Variants in ZNF462 observed in about 807,000 individuals in gnomAD.
ZNF462 encodes zinc finger protein 462.
In ZNF462, 10 loss-of-function variants were observed where a neutral mutation model predicts 201.9. The ratio of observed to expected loss-of-function variants is 0.05; its 90% CI spans 0.03 to 0.08. The LOEUF is 0.08. ZNF462 is among the 10% of genes least tolerant of loss of function. ZNF462 has a pLI of 1.00. For missense variants in ZNF462, 2,523 were observed against 3,168.3 expected, an observed-to-expected ratio of 0.80 and a Z score of 4.89; for synonymous variants, 1,227 against 1,193.3, an observed-to-expected ratio of 1.03 and a Z score of -0.58.
intron 7 of ZNF462, among the ~76,000 whole-genome samples, chr9:106,952,493 A>G (rs543666949): frequency 9.8e-5 from 15 of 152,328 alleles, no homozygotes; most frequent in African/African-American, 3.4e-4. Flanking sequence ...TCCTTACATC[A>G]TGAGCTTTCT....
intron 7 of ZNF462, among the ~76,000 whole-genome samples, chr9:106,945,596 G>A (rs1209756336): frequency 1.3e-5 from 2 of 152,184 alleles, no homozygotes; most frequent in East Asian, 1.9e-4. Context: ...CACATGCGAT[G>A]TAAGACATAA....
rs575178330 is a variant in ZNF462 at position 106,933,504 on chromosome 9, C to T, written c.6116+955C>T. 6.6e-6 allele frequency among the ~76,000 whole-genome samples: 1 copy of T among 152,156 alleles called. No homozygotes were observed. The highest frequency in any genetic ancestry group is 6.5e-5 in the Admixed American group (1 of 15,290). ...ACAGCATCTATCACATTGTCTGACG[C>T]ACAGTGGAACTTTAAATAATTGTGA... is the stretch of plus-strand genomic sequence containing the variant. On this transcript the variant is annotated intron_variant, in intron 5 of 12. Coordinates refer to ENST00000277225, the MANE Select transcript of ZNF462 (RefSeq NM_021224.6). The surrounding 1 kb of genome is among the most constrained non-coding windows in gnomAD (Gnocchi z 4.3).
chr9:106,924,437 A>C lies in ZNF462; in HGVS notation c.525A>C (p.Ala175=), dbSNP rs1454324394. ...GCACATACAAGTCACCAAGAAGGGCAAGAATAATTAAGCATCAGAAGATGT... is the reference window on the plus strand; with the variant it reads ...GCACATACAAGTCACCAAGAAGGGCCAGAATAATTAAGCATCAGAAGATGT... The part of the protein sequence containing the change: ...QFCTYKSPRR[A]RIIKHQKMYH... Residue 175 remains alanine, a synonymous_variant, in exon 3 of 13, where the codon GCA becomes GCC. Coordinates refer to ENST00000277225, the MANE Select transcript of ZNF462 (RefSeq NM_021224.6). This position sits in a 1 kb window ranked among gnomAD's most constrained non-coding sequence, Gnocchi z 6.2. The C allele has an allele frequency of 6.2e-7, 1 of 1,614,204 alleles. No homozygotes were observed. The highest frequency in any genetic ancestry group is 8.5e-7 in the Non-Finnish European group (1 of 1,180,034).
At chr9:106,910,706 T>C (rs1829513830) in intron 1 of ZNF462, among the ~76,000 whole-genome samples, 1 of 152,136 alleles carries the variant, frequency 6.6e-6, no homozygotes, top group Non-Finnish European at 1.5e-5. Flanking sequence ...TTTGTCTATG[T>C]TTTGTCTTTC....
At chr9:106,944,946 A>C (rs1448234043) in intron 7 of ZNF462, among the ~76,000 whole-genome samples, 1 of 152,222 alleles carries the variant, frequency 6.6e-6, no homozygotes, top group African/African-American at 2.4e-5. Flanking sequence ...AGCCATAGAC[A>C]ATATGTAAAC....
intron 7 of ZNF462, among the ~76,000 whole-genome samples, chr9:106,964,610 CCTT>C (rs200511222): frequency 6.6e-6 from 1 of 152,012 alleles, no homozygotes; most frequent in East Asian, 1.9e-4. Context: ...AGAGCAGAGT[CCTT>C]CTAGATTTTT....
At chr9:106,887,563 C>T (rs915532071) in intron 1 of ZNF462, among the ~76,000 whole-genome samples, 1 of 152,034 alleles carries the variant, frequency 6.6e-6, no homozygotes, top group Non-Finnish European at 1.5e-5. Context: ...CCAGAGAAGT[C>T]GAATCCAAGA....
intron 9 of ZNF462, among the ~76,000 whole-genome samples, chr9:106,980,512 G>A (rs922096060): frequency 1.3e-4 from 20 of 152,106 alleles, no homozygotes; most frequent in Non-Finnish European, 1.6e-4. Context: ...GTGGTTTCTC[G>A]CCAATTTGAG....
In ZNF462 at chr9:106,902,755, G is replaced by T. The variant is rs144780424; in HGVS notation, c.-30-20599G>T. ...TGAATGATCTTTTTGTATTTCTGTG[G>T]TATCAGATGTAATATCACCTGTTTT... On this transcript the variant is annotated intron_variant, in intron 1 of 12. Coordinates refer to ENST00000277225, the MANE Select transcript of ZNF462 (RefSeq NM_021224.6). The surrounding 1 kb of genome is among the most constrained non-coding windows in gnomAD (Gnocchi z 4.2). Among the ~76,000 whole-genome samples, 654 of 152,158 alleles carry T rather than the reference G, an allele frequency of 4.3e-3. 5 individuals are homozygous for T. The highest frequency in any genetic ancestry group is 0.015 in the African/African-American group (620 of 41,528).
Position 106,876,543 on chromosome 9 carries a change from A to G in ZNF462, c.-31+13188A>G, listed in dbSNP as rs568456058. On this transcript the variant is annotated intron_variant, in intron 1 of 12. Coordinates refer to ENST00000277225, the MANE Select transcript of ZNF462 (RefSeq NM_021224.6). The surrounding 1 kb of genome is among the most constrained non-coding windows in gnomAD (Gnocchi z 4.9). ...CTAGACTTTATTACATCTTCAACTG[A>G]TGTTCTGTGGATGAAGCAGCACTCT... is the stretch of plus-strand genomic sequence containing the variant. 5.3e-5 allele frequency among the ~76,000 whole-genome samples: 8 copies of G among 152,238 alleles called. No homozygotes were observed. The highest frequency in any genetic ancestry group is 1.9e-4 in the African/African-American group (8 of 41,530).
chr9:106,944,562 CT>C (rs1412562997), intron 7 of ZNF462, among the ~76,000 whole-genome samples: 7 of 152,230 alleles, frequency 4.6e-5, no homozygotes, highest in African/African-American at 1.2e-4. Context: ...TTTATCATTT[CT>C]TTGTGTTGGA....
chr9:106,959,642 G>A (rs1186851219), intron 7 of ZNF462, among the ~76,000 whole-genome samples: 1 of 152,084 alleles, frequency 6.6e-6, no homozygotes, highest in Admixed American at 6.6e-5. Flanking sequence ...ACATACTCTG[G>A]GAGCTGAAAA....
intron 10 of ZNF462, among the ~76,000 whole-genome samples, chr9:106,987,252 G>A (rs1827918688): frequency 6.6e-6 from 1 of 152,152 alleles, no homozygotes; most frequent in African/African-American, 2.4e-5. Context: ...GTTTTCCATA[G>A]TGGCTGTACT....
chr9:106,986,317 T>C (rs1288826523), intron 10 of ZNF462, among the ~76,000 whole-genome samples: 2 of 152,128 alleles, frequency 1.3e-5, no homozygotes, highest in Non-Finnish European at 2.9e-5. Flanking sequence ...AAGATCTGGG[T>C]TTTAATCTTG....
intron 1 of ZNF462, among the ~76,000 whole-genome samples, chr9:106,887,118 C>G (rs183597828): frequency 6.0e-4 from 92 of 152,264 alleles, no homozygotes; most frequent in Admixed American, 1.2e-3. Flanking sequence ...ATAGCTTGTC[C>G]AGGTGATTTA....
rs1359721384 is a variant in ZNF462, at chr9:107,003,961, T to G, written c.7189+535T>G. On this transcript the variant is annotated intron_variant, in intron 11 of 12. Coordinates refer to ENST00000277225, the MANE Select transcript of ZNF462 (RefSeq NM_021224.6). The surrounding 1 kb of genome is among the most constrained non-coding windows in gnomAD (Gnocchi z 4.4). ...TAAGGAGAGAGAAAGAGAGACCACC[T>G]CTTTCATTCAACTATGTATTTACAG... Among the ~76,000 whole-genome samples, 1 of 152,162 alleles carries G rather than the reference T, an allele frequency of 6.6e-6. No individual in the cohort carries two copies. The highest frequency in any genetic ancestry group is 1.9e-4 in the East Asian group (1 of 5,186).
intron 10 of ZNF462, among the ~76,000 whole-genome samples, chr9:107,000,014 C>T (rs1334890635): frequency 6.6e-6 from 1 of 151,966 alleles, no homozygotes; most frequent in African/African-American, 2.4e-5. Flanking sequence ...GCTGTGAACA[C>T]ATGGAACAAG....
intron 7 of ZNF462, among the ~76,000 whole-genome samples, chr9:106,967,850 A>C (rs1832149732): frequency 6.6e-6 from 1 of 152,056 alleles, no homozygotes; most frequent in Non-Finnish European, 1.5e-5. Flanking sequence ...AAGCATTTTG[A>C]AATTTCAGAT....
In ZNF462 at chr9:107,012,480, C is replaced by G. The variant is rs1188015839; in HGVS notation, c.*1450C>G. ...TTTTTTTTTTAAATCTAGCTGCCAG[C>G]TGCTCTGTCCCCCATATCAGCTTTT... is the stretch of plus-strand genomic sequence containing the variant. On this transcript the variant is annotated 3_prime_UTR_variant, in exon 13 of 13. Transcript: ENST00000277225. The G allele has an allele frequency of 7.5e-6, 1 of 133,318 alleles. No individual in the cohort carries two copies. Among genetic ancestry groups the G allele is most frequent in the Non-Finnish European group, 1.5e-5 (1 of 64,998 alleles). 8.3% of individuals were successfully genotyped at this position (133,318 alleles called of 1,614,324 possible).
Sources: allele counts gnomAD v4.1 joint callset (sites outside exome capture counted in the v4.1 genomes callset), GRCh38; gene constraint gnomAD v4.1.1; non-coding constraint Gnocchi (gnomAD v3.1); transcripts MANE v1.5; gene names NCBI Gene and HGNC (gene_info 2026-07-23, HGNC 2026-07-21).